Variants in TSGA10 observed in about 807,000 individuals in gnomAD.
TSGA10 encodes testis specific 10.
A neutral mutation model predicts 96.6 loss-of-function variants in TSGA10; 43 were observed. The observed-to-expected ratio is 0.44, with a 90% CI of 0.35 to 0.57. TSGA10 has a LOEUF of 0.57. Ranked by LOEUF, TSGA10 falls within the 20% of genes least tolerant of loss-of-function variation. The pLI is 0.01. For synonymous variants in TSGA10, 229 were observed against 269.9 expected, an observed-to-expected ratio of 0.85 and a Z score of 1.48; for missense variants, 703 against 834.4, an observed-to-expected ratio of 0.84 and a Z score of 1.94.
chr2:99,003,602 C>T (rs997894350), intron 20 of TSGA10, among the ~76,000 whole-genome samples: 3 of 152,206 alleles, frequency 2.0e-5, no homozygotes, highest in African/African-American at 4.8e-5. Flanking sequence ...CAAACTGTCT[C>T]TCTGACCATA....
At chr2:99,151,813 A>T (rs2093697063) in intron 1 of TSGA10, among the ~76,000 whole-genome samples, 1 of 27,342 alleles carries the variant, frequency 3.7e-5, no homozygotes, top group Non-Finnish European at 1.2e-4. Context: ...TAATATGAGA[A>T]AAAACAACCT....
At chr2:99,048,399 C>T (rs1179584106) in intron 16 of TSGA10, among the ~76,000 whole-genome samples, 1 of 152,104 alleles carries the variant, frequency 6.6e-6, no homozygotes, top group Non-Finnish European at 1.5e-5. Context: ...ACCAATGGAA[C>T]AGAACAGAGG....
At chr2:99,103,697 T>C (rs1339793705) in intron 10 of TSGA10, among the ~76,000 whole-genome samples, 1 of 152,238 alleles carries the variant, frequency 6.6e-6, no homozygotes, top group African/African-American at 2.4e-5. Context: ...CAGAAGAGCT[T>C]TGTAAAAGCT....
intron 16 of TSGA10, among the ~76,000 whole-genome samples, chr2:99,060,600 T>C (rs2084576467): frequency 6.6e-6 from 1 of 152,172 alleles, no homozygotes; most frequent in Admixed American, 6.5e-5. Flanking sequence ...ATGCTCATTC[T>C]AAATTTATGT....
At chr2:99,139,536 A>T (rs1371992243) in intron 1 of TSGA10, among the ~76,000 whole-genome samples, 1 of 152,216 alleles carries the variant, frequency 6.6e-6, no homozygotes, top group Non-Finnish European at 1.5e-5. Flanking sequence ...CCAAAAGTGT[A>T]GACTTATAGA....
chr2:99,034,178 T>C (rs2081392509), intron 17 of TSGA10, among the ~76,000 whole-genome samples: 3 of 151,804 alleles, frequency 2.0e-5, no homozygotes, highest in Admixed American at 1.3e-4. Flanking sequence ...CTCCATACAT[T>C]CTGGATTAAA....
chr2:99,018,361 T>C lies in TSGA10; in HGVS notation c.1923-12A>G. On this transcript the variant is annotated splice_polypyrimidine_tract_variant and intron_variant, in intron 19 of 20. Transcript: ENST00000393483. The stretch of plus-strand genomic sequence containing the variant: ...GTACGGCCCTCTCCCTAAAGCAAAA[T>C]AGTGATGCTTTAAATTTTATATCCA... 1.2e-6 allele frequency: 2 copies of C among 1,609,796 alleles called. No individual in the cohort carries two copies. Among genetic ancestry groups the C allele is most frequent in the South Asian group, 2.2e-5 (2 of 90,676 alleles).
At chr2:99,040,476 C>T (rs2082081070) in intron 16 of TSGA10, among the ~76,000 whole-genome samples, 1 of 151,984 alleles carries the variant, frequency 6.6e-6, no homozygotes, top group African/African-American at 2.4e-5. Flanking sequence ...AGTTGAGAAT[C>T]AAATCAAGAA....
At chr2:99,146,514 T>C (rs1384920345) in intron 1 of TSGA10, among the ~76,000 whole-genome samples, 1 of 152,214 alleles carries the variant, frequency 6.6e-6, no homozygotes, top group Non-Finnish European at 1.5e-5. Flanking sequence ...CCCTTATTGT[T>C]TAAGCTTTTT....
At chr2:99,056,816 CAAA>C (rs747141525) in intron 16 of TSGA10, among the ~76,000 whole-genome samples, 2 of 75,648 alleles carry the variant, frequency 2.6e-5, no homozygotes, top group African/African-American at 9.8e-5. Flanking sequence ...CAAAATCCTT[CAAA>C]AAAAAAAAAA....
At chr2:99,094,558 AAAAC>A (rs2089794215) in intron 10 of TSGA10, among the ~76,000 whole-genome samples, 1 of 152,228 alleles carries the variant, frequency 6.6e-6, no homozygotes. Flanking sequence ...TAGCAATAAA[AAAAC>A]AAACAATCCC....
At chr2:99,031,138 C>A (rs1183233169) in intron 17 of TSGA10, among the ~76,000 whole-genome samples, 1 of 151,152 alleles carries the variant, frequency 6.6e-6, no homozygotes, top group Admixed American at 6.6e-5. Flanking sequence ...AAGACAGATA[C>A]ATAGGTAAAT....
At chr2:99,070,761 A>C (rs539004206) in intron 14 of TSGA10, among the ~76,000 whole-genome samples, 1 of 152,276 alleles carries the variant, frequency 6.6e-6, no homozygotes, top group South Asian at 2.1e-4. Context: ...AATTTTTTAA[A>C]TAAACTTTTA....
At position 99,105,671 on chromosome 2, in the gene TSGA10, T is replaced by A; in HGVS notation, c.237A>T (p.Arg79=). ...EQAQEEITRL[R]REMMKSCKSP... ...TCTTACAGCTTTTCATCATTTCTCG[T>A]CGAAGTCGGGTAATTTCTTCCTGTG... is the stretch of plus-strand genomic sequence containing the variant. The change falls in exon 8 of 21, where the codon CGA becomes CGT. Residue 79 remains arginine (R), a synonymous_variant. Transcript: ENST00000393483. The A allele has an allele frequency of 1.3e-6, 2 of 1,591,688 alleles. No homozygotes were observed. The highest frequency in any genetic ancestry group is 1.7e-6 in the Non-Finnish European group (2 of 1,161,358).
intron 11 of TSGA10, among the ~76,000 whole-genome samples, chr2:99,080,475 T>C (rs1182621049): frequency 1.3e-5 from 2 of 152,214 alleles, no homozygotes; most frequent in Non-Finnish European, 2.9e-5. Context: ...ATCATTTATA[T>C]GCTGATGTGT....
At chr2:99,043,758 C>G (rs1439483843) in intron 16 of TSGA10, among the ~76,000 whole-genome samples, 2 of 152,022 alleles carry the variant, frequency 1.3e-5, no homozygotes, top group African/African-American at 4.8e-5. Context: ...CAAAACAACC[C>G]AAAATACCAA....
chr2:99,033,507 C>T (rs2081324995), intron 17 of TSGA10, among the ~76,000 whole-genome samples: 1 of 152,170 alleles, frequency 6.6e-6, no homozygotes, highest in Admixed American at 6.5e-5. Flanking sequence ...TCAACAAACT[C>T]TATCTGTCAC....
chr2:99,108,470 C>T (rs774559730), intron 7 of TSGA10, among the ~76,000 whole-genome samples: 1 of 151,834 alleles, frequency 6.6e-6, no homozygotes, highest in Non-Finnish European at 1.5e-5. Flanking sequence ...TATAAAAGTT[C>T]CTAAAGTGAT....
chr2:99,052,520 C>T (rs187326420), intron 16 of TSGA10, among the ~76,000 whole-genome samples: 6 of 152,046 alleles, frequency 3.9e-5, no homozygotes, highest in East Asian at 3.9e-4. Context: ...GGGCGGATCA[C>T]GAGGTCAGGA....
Sources: gnomAD v4.1 joint callset for allele counts (sites outside exome capture counted in the v4.1 genomes callset) on GRCh38, gnomAD v4.1.1 for gene constraint, MANE v1.5 for transcripts, NCBI Gene and HGNC (gene_info 2026-07-23, HGNC 2026-07-21) for gene names.